PPP6C: variants seen among roughly 807,000 people sequenced by gnomAD.
PPP6C encodes serine/threonine-protein phosphatase 6 catalytic subunit.
PPP6C carries 11 observed loss-of-function variants against 39.8 expected under a neutral mutation model. That is an observed-to-expected ratio of 0.28 (90% confidence interval 0.17 to 0.46). The LOEUF (loss-of-function observed/expected upper bound fraction) is 0.46. Ranked by LOEUF, PPP6C falls within the 20% of genes least tolerant of loss-of-function variation. The pLI is 1.00. For synonymous variants in PPP6C, 129 were observed against 130.3 expected (o/e 0.99, Z 0.07); for missense variants, 211 against 373.9 (o/e 0.56, Z 3.59).
intron 1 of PPP6C, among the ~76,000 whole-genome samples, chr9:125,187,014 T>G (rs1829545464): frequency 7.1e-6 from 1 of 141,832 alleles, no homozygotes; most frequent in Non-Finnish European, 1.5e-5. Context: ...TGGCGCAATC[T>G]TGGCTCACTG....
intron 6 of PPP6C, chr9:125,151,004 C>A: frequency 7.3e-7 from 1 of 1,366,672 alleles, no homozygotes; most frequent in Non-Finnish European, 1.0e-6. Context: ...GTGGCAGGCG[C>A]AGATCATATT....
intron 2 of PPP6C, among the ~76,000 whole-genome samples, chr9:125,167,397 A>AAAAAAAAAAAAAAAAAAAC (rs1564152126): frequency 7.7e-6 from 1 of 129,518 alleles, no homozygotes; most frequent in African/African-American, 3.0e-5. Context: ...AAAAAAAAAA[A>AAAAAAAAAAAAAAAAAAAC]AAGAAATAAA....
chr9:125,175,377 G>A (rs931627154), intron 1 of PPP6C, among the ~76,000 whole-genome samples: 3 of 151,404 alleles, frequency 2.0e-5, no homozygotes, highest in African/African-American at 7.3e-5. Flanking sequence ...GGTGGCTCAC[G>A]CCTGTAATCC....
chr9:125,163,848 C>CTTTT (rs1412720063), intron 2 of PPP6C, among the ~76,000 whole-genome samples: 1 of 135,942 alleles, frequency 7.4e-6, no homozygotes, highest in African/African-American at 2.7e-5. Flanking sequence ...TTGGGCAATT[C>CTTTT]TTTTTTTTTT....
intron 1 of PPP6C, among the ~76,000 whole-genome samples, chr9:125,176,813 G>A (rs553559439): frequency 7.7e-4 from 117 of 152,244 alleles, no homozygotes; most frequent in South Asian, 1.7e-3. Context: ...AGTAGAAGTA[G>A]AAAATAGGGA....
At chr9:125,162,947 G>A (rs1328108657) in intron 2 of PPP6C, among the ~76,000 whole-genome samples, 2 of 151,044 alleles carry the variant, frequency 1.3e-5, no homozygotes, top group Non-Finnish European at 3.0e-5. Flanking sequence ...GCGTGGCGGC[G>A]GGCACCTGTA....
chr9:125,189,603 G>GC, intron 1 of PPP6C, 41 bp downstream of exon 1: 1 of 1,610,218 alleles, frequency 6.2e-7, no homozygotes, highest in Non-Finnish European at 8.5e-7. Flanking sequence ...GCCGGCGGGC[G>GC]CCCCACAGCC....
chr9:125,170,038 T>G (rs2131325828), intron 2 of PPP6C, among the ~76,000 whole-genome samples: 1 of 152,322 alleles, frequency 6.6e-6, no homozygotes, highest in South Asian at 2.1e-4. Context: ...GTAAGTCCTG[T>G]TGGCATCCTT....
intron 1 of PPP6C, among the ~76,000 whole-genome samples, chr9:125,181,931 T>C (rs914543227): frequency 3.9e-5 from 6 of 152,218 alleles, no homozygotes; most frequent in Non-Finnish European, 8.8e-5. Flanking sequence ...AGTGTAAAAG[T>C]GTTCCTATTT....
At chr9:125,168,915 C>T (rs1829083800) in intron 2 of PPP6C, among the ~76,000 whole-genome samples, 1 of 152,052 alleles carries the variant, frequency 6.6e-6, no homozygotes, top group South Asian at 2.1e-4. Context: ...CACGCACCAC[C>T]ACACCTGGCT....
chr9:125,186,492 T>C (rs1397058708), intron 1 of PPP6C, among the ~76,000 whole-genome samples: 2 of 152,052 alleles, frequency 1.3e-5, no homozygotes, highest in Admixed American at 6.6e-5. Context: ...ATGCCTGTTA[T>C]CCCAGCATTT....
At chr9:125,156,030 T>C (rs1836063617) in intron 4 of PPP6C, among the ~76,000 whole-genome samples, 1 of 152,168 alleles carries the variant, frequency 6.6e-6, no homozygotes, top group Admixed American at 6.5e-5. Flanking sequence ...TTAGTTTTAG[T>C]ACTGTTTTCA....
chr9:125,151,193 G>C (rs926701623), intron 6 of PPP6C: 2 of 1,496,510 alleles, frequency 1.3e-6, no homozygotes, highest in Admixed American at 1.7e-5. Flanking sequence ...ATTGCAGACA[G>C]GCTGAATGTG....
intron 2 of PPP6C, among the ~76,000 whole-genome samples, chr9:125,167,659 T>C (rs10986603): frequency 1.3e-5 from 2 of 151,394 alleles, no homozygotes; most frequent in African/African-American, 4.8e-5. Flanking sequence ...GCCAGGATCG[T>C]GCCATTGCAC....
chr9:125,184,424 T>C lies in PPP6C; in HGVS notation c.75+5220A>G, dbSNP rs553963393. ...AATAATTAATCAGCTGGGCACACTA[T>C]TGCACACCTGTACTCCCAGCTACTT... On this transcript the variant is annotated intron_variant, in intron 1 of 6. Transcript: ENST00000373547. 5.9e-5 allele frequency among the ~76,000 whole-genome samples: 9 copies of C among 151,722 alleles called. No individual in the cohort carries two copies. The South Asian group carries it at 1.7e-3, about 28-fold the overall frequency.
chr9:125,153,417 A>G (rs887457503), intron 6 of PPP6C, 116 bp downstream of exon 6: 1 of 937,894 alleles, frequency 1.1e-6, no homozygotes, highest in Non-Finnish European at 1.6e-6. Context: ...TTTAATATCC[A>G]CAGCCACCAT....
rs138335451 is a variant in PPP6C at position 125,171,460 on chromosome 9, T to TACAC, written c.76-284_76-281dup. Among the ~76,000 whole-genome samples the TACAC allele has an allele frequency of 5.7e-3, 545 of 95,582 alleles. 2 individuals carry two copies. Among genetic ancestry groups the TACAC allele is most frequent in the Admixed American group, 6.9e-3 (54 of 7,856 alleles). 62.7% of individuals were successfully genotyped at this position (95,582 alleles called of 152,430 possible). A position where few individuals can be genotyped will look rare whatever the true frequency, so the allele number is the denominator to read the frequency against. ...TTTTCACCAAACACACACACACATA[T>TACAC]ACACACACACACACACACATATATA... On this transcript the variant is annotated intron_variant, in intron 1 of 6. Coordinates refer to ENST00000373547, the MANE Select transcript of PPP6C (RefSeq NM_002721.5).
intron 1 of PPP6C, among the ~76,000 whole-genome samples, chr9:125,177,379 A>C (rs1829324298): frequency 6.6e-6 from 1 of 151,052 alleles, no homozygotes; most frequent in Admixed American, 6.6e-5. Context: ...TCTCAAAACA[A>C]ACAAACAAAA....
chr9:125,151,117 A>T (rs1258362397), intron 6 of PPP6C: 1 of 1,367,364 alleles, frequency 7.3e-7, no homozygotes, highest in Non-Finnish European at 1.0e-6. Flanking sequence ...AAGGGAGAAT[A>T]TCTCTGAGCA....
Sources: gnomAD v4.1 joint callset for allele counts (sites outside exome capture counted in the v4.1 genomes callset) on GRCh38, gnomAD v4.1.1 for gene constraint, MANE v1.5 for transcripts, NCBI Gene and HGNC (gene_info 2026-07-23, HGNC 2026-07-21) for gene names.